Variants in ARHGAP44 observed in about 807,000 individuals in gnomAD.
The protein encoded by ARHGAP44 is Rho GTPase activating protein 44, also known as rho GTPase-activating protein 44.
Under a neutral mutation model 106.8 loss-of-function variants are expected in ARHGAP44, and 43 were observed. The ratio of observed to expected loss-of-function variants is 0.40; its 90% CI spans 0.32 to 0.52. ARHGAP44 has a LOEUF of 0.52. Ranked by LOEUF, ARHGAP44 falls within the 20% of genes least tolerant of loss-of-function variation. The pLI is 0.48. For synonymous variants in ARHGAP44, 439 were observed against 410.3 expected (o/e 1.07, Z -0.85); for missense variants, 866 against 1,050.5 (o/e 0.82, Z 2.43).
intron 1 of ARHGAP44, among the ~76,000 whole-genome samples, chr17:12,846,192 A>C (rs2035564938): frequency 1.3e-5 from 2 of 152,328 alleles, no homozygotes; most frequent in African/African-American, 4.8e-5. Flanking sequence ...TAGGAATTAA[A>C]ATCTACTAAA....
chr17:12,924,763 G>A (rs1411124893), intron 6 of ARHGAP44, among the ~76,000 whole-genome samples: 1 of 152,122 alleles, frequency 6.6e-6, no homozygotes, highest in African/African-American at 2.4e-5. Flanking sequence ...AGCTGTGTGA[G>A]GACAGAAACA....
chr17:12,844,266 T>C (rs2035501754), intron 1 of ARHGAP44, among the ~76,000 whole-genome samples: 2 of 152,166 alleles, frequency 1.3e-5, no homozygotes, highest in African/African-American at 4.8e-5. Flanking sequence ...TTCTGGAGGC[T>C]GGCAAGTCTG....
rs116037824 is a variant in ARHGAP44, at chr17:12,990,385, C to T, written c.*214C>T. The T allele has an allele frequency of 7.0e-5, 41 of 584,872 alleles. No homozygotes were observed. The highest frequency in any genetic ancestry group is 5.2e-4 in the African/African-American group (28 of 53,992). The allele number at this position is 584,872 out of a possible 1,614,324, so 36.2% of individuals were successfully genotyped here. A position where few individuals can be genotyped will look rare whatever the true frequency, so the allele number is the denominator to read the frequency against. On this transcript the variant is annotated 3_prime_UTR_variant, in exon 21 of 21. Transcript: ENST00000379672. ...GTTTGTTCCTTTCGGGTGGTGACTT[C>T]GGCCTTTTGTTTGACCTTTGCCTTT... is the stretch of plus-strand genomic sequence containing the variant.
At chr17:12,910,695 C>T (rs554830839) in intron 4 of ARHGAP44, among the ~76,000 whole-genome samples, 2 of 152,108 alleles carry the variant, frequency 1.3e-5, no homozygotes, top group African/African-American at 4.8e-5. Flanking sequence ...ATCCACCCTC[C>T]TCGGCCTCCC....
chr17:12,869,545 G>A (rs935046905), intron 1 of ARHGAP44, among the ~76,000 whole-genome samples: 3 of 151,570 alleles, frequency 2.0e-5, no homozygotes, highest in Non-Finnish European at 2.9e-5. Context: ...TTACATTGTT[G>A]TGCAGCCATT....
At chr17:12,811,272 C>T (rs2034432207) in intron 1 of ARHGAP44, among the ~76,000 whole-genome samples, 1 of 148,796 alleles carries the variant, frequency 6.7e-6, no homozygotes, top group African/African-American at 2.5e-5. Context: ...GAGATCGCAC[C>T]ACTGCACTCC....
chr17:12,879,213 A>T (rs1449407301), intron 1 of ARHGAP44, among the ~76,000 whole-genome samples: 2 of 152,196 alleles, frequency 1.3e-5, no homozygotes, highest in African/African-American at 4.8e-5. Flanking sequence ...TATGAGTGAG[A>T]ACACACGATG....
chr17:12,989,989 G>T, intron 20 of ARHGAP44, 43 bp from the exon 21 acceptor site: 1 of 1,586,978 alleles, frequency 6.3e-7, no homozygotes. Flanking sequence ...CTCATTTGCC[G>T]GGAAGCCTCC....
intron 1 of ARHGAP44, among the ~76,000 whole-genome samples, chr17:12,849,338 G>C (rs1597935305): frequency 6.6e-6 from 1 of 151,892 alleles, no homozygotes; most frequent in African/African-American, 2.4e-5. Context: ...CTCTTCATCT[G>C]TTCTATTCAT....
Position 12,908,894 on chromosome 17 carries a change from C to T in ARHGAP44, c.199-3C>T. 1 of 1,601,348 alleles carries T rather than the reference C, an allele frequency of 6.2e-7. No homozygotes were observed. ...TTCATTACAGCATTTGCTTTCTTTT[C>T]AGAAAAAGTTGCCTTTGACAACACT... On this transcript the variant is annotated splice_polypyrimidine_tract_variant and splice_region_variant and intron_variant, in intron 3 of 20. Transcript: ENST00000379672.
At chr17:12,961,666 G>A (rs1254564074) in intron 16 of ARHGAP44, among the ~76,000 whole-genome samples, 1 of 152,288 alleles carries the variant, frequency 6.6e-6, no homozygotes, top group East Asian at 1.9e-4. Context: ...CCTGGGAGGT[G>A]GAGGTTGTGG....
intron 18 of ARHGAP44, among the ~76,000 whole-genome samples, chr17:12,977,777 C>T (rs1465266308): frequency 6.6e-6 from 1 of 152,094 alleles, no homozygotes; most frequent in Non-Finnish European, 1.5e-5. Flanking sequence ...TGGTAGCTCA[C>T]GCCTGCAATC....
At chr17:12,936,017 C>T (rs1006682354) in intron 7 of ARHGAP44, among the ~76,000 whole-genome samples, 1 of 152,144 alleles carries the variant, frequency 6.6e-6, no homozygotes, top group African/African-American at 2.4e-5. Flanking sequence ...ATTTTTTAAA[C>T]AAACGTTCTT....
At chr17:12,851,479 T>C (rs1361750531) in intron 1 of ARHGAP44, among the ~76,000 whole-genome samples, 1 of 152,148 alleles carries the variant, frequency 6.6e-6, no homozygotes. Context: ...CTTTTTTTTT[T>C]CTCTTGAGAT....
intron 3 of ARHGAP44, among the ~76,000 whole-genome samples, chr17:12,902,120 T>A (rs918882220): frequency 1.5e-4 from 23 of 152,166 alleles, no homozygotes; most frequent in Non-Finnish European, 2.9e-5. Context: ...CTTTGTAGAA[T>A]AAAATCTGAA....
At chr17:12,814,681 A>G (rs2034545841) in intron 1 of ARHGAP44, among the ~76,000 whole-genome samples, 2 of 152,106 alleles carry the variant, frequency 1.3e-5, no homozygotes, top group South Asian at 2.1e-4. Context: ...AAGCATACCT[A>G]TATTGCACCC....
rs150526229 is a variant in ARHGAP44 at position 12,960,810 on chromosome 17, C to T, written c.1523+1913C>T. ...AACTCCTGACCTTAAGTGTTCCTCC[C>T]GCCTTGGCCTCCCAAAGTACTGGGA... On this transcript the variant is annotated intron_variant, in intron 16 of 20. Transcript: ENST00000379672. 3.5e-3 allele frequency among the ~76,000 whole-genome samples: 528 copies of T among 152,128 alleles called. 1 individual carries two copies. The highest frequency in any genetic ancestry group is 0.012 in the African/African-American group (493 of 41,556).
At chr17:12,839,741 C>A (rs1012410241) in intron 1 of ARHGAP44, among the ~76,000 whole-genome samples, 2 of 152,190 alleles carry the variant, frequency 1.3e-5, no homozygotes, top group Non-Finnish European at 2.9e-5. Context: ...CGTGGATATT[C>A]ATTTTTACTG....
At chr17:12,967,810 A>G (rs2039430331) in intron 16 of ARHGAP44, among the ~76,000 whole-genome samples, 2 of 152,098 alleles carry the variant, frequency 1.3e-5, no homozygotes, top group South Asian at 2.1e-4. Flanking sequence ...ATGCCATTTC[A>G]TCTCCAGCAT....
Sources: gnomAD v4.1 joint callset for allele counts (sites outside exome capture counted in the v4.1 genomes callset) on GRCh38, gnomAD v4.1.1 for gene constraint, MANE v1.5 for transcripts, NCBI Gene and HGNC (gene_info 2026-07-23, HGNC 2026-07-21) for gene names.